The following SYNE3 variants were observed in gnomAD, a reference collection of about 807,000 sequenced individuals.
SYNE3 encodes the protein spectrin repeat containing nuclear envelope family member 3.
SYNE3 carries 100 observed loss-of-function variants against 111.2 expected under a neutral mutation model. That is an observed-to-expected ratio of 0.90 (90% confidence interval 0.77 to 1.06). The LOEUF (loss-of-function observed/expected upper bound fraction) is 1.06. Among genes scored for constraint, SYNE3 ranks in the 50% least tolerant of loss-of-function variants. The pLI is 0.00. For synonymous variants in SYNE3, 547 were observed against 533.9 expected, an observed-to-expected ratio of 1.02 and a Z score of -0.34; for missense variants, 1,160 against 1,240.3, an observed-to-expected ratio of 0.94 and a Z score of 0.97.
intron 1 of SYNE3, among the ~76,000 whole-genome samples, chr14:95,508,758 C>T (rs187786928): frequency 2.3e-4 from 35 of 152,328 alleles, no homozygotes; most frequent in Admixed American, 1.6e-3. Context: ...TGCAAGGTTC[C>T]GGGGCCAACC....
At chr14:95,465,491 T>A (rs1242762813) in intron 4 of SYNE3, among the ~76,000 whole-genome samples, 1 of 151,382 alleles carries the variant, frequency 6.6e-6, no homozygotes, top group East Asian at 1.9e-4. Context: ...AGTGAATGGG[T>A]GAGTGAGGAA....
intron 5 of SYNE3, 47 bp from the exon 6 acceptor site, chr14:95,455,771 T>C (rs1262889706): frequency 6.3e-7 from 1 of 1,579,866 alleles, no homozygotes; most frequent in Middle Eastern, 1.7e-4. Flanking sequence ...GGAAAAAGAA[T>C]ACAGTTGCTG....
Position 95,483,023 on chromosome 14 carries a change from G to A in SYNE3, c.-14-7188C>T, listed in dbSNP as rs962449707. Among the ~76,000 whole-genome samples, 5 of 152,182 alleles carry A rather than the reference G, an allele frequency of 3.3e-5. No homozygotes were observed. In the South Asian group the frequency reaches 8.3e-4, roughly 25 times the overall value. On this transcript the variant is annotated intron_variant, in intron 1 of 17. Transcript: ENST00000682763. ...CCCTCCCAGAACCCCACTGGTAACTGCCGAGTTCCAGGAAGGTAACTCCAG... is the reference window on the plus strand; with the variant it reads ...CCCTCCCAGAACCCCACTGGTAACTACCGAGTTCCAGGAAGGTAACTCCAG...
intron 1 of SYNE3, among the ~76,000 whole-genome samples, chr14:95,480,497 C>T (rs1889172804): frequency 6.6e-6 from 1 of 152,152 alleles, no homozygotes; most frequent in Non-Finnish European, 1.5e-5. Context: ...AAGCTATGGG[C>T]CTGGAAGACC....
At chr14:95,452,684 A>G (rs533445139) in intron 6 of SYNE3, among the ~76,000 whole-genome samples, 20 of 152,310 alleles carry the variant, frequency 1.3e-4, no homozygotes, top group African/African-American at 4.8e-4. Flanking sequence ...ACTAATACTC[A>G]GGGGACACCA....
At chr14:95,479,224 C>CAAAAAAAAAAAAAAAAAAAAAAAAAAA (rs71132351) in intron 1 of SYNE3, among the ~76,000 whole-genome samples, 2 of 86,330 alleles carry the variant, frequency 2.3e-5, no homozygotes, top group Admixed American at 1.7e-4. Flanking sequence ...TCGTCTCTAC[C>CAAAAAAAAAAAAAAAAAAAAAAAAAAA]AAAAAAAAAA....
At chr14:95,491,573 C>T (rs1889850506) in intron 1 of SYNE3, among the ~76,000 whole-genome samples, 1 of 151,882 alleles carries the variant, frequency 6.6e-6, no homozygotes, top group Non-Finnish European at 1.5e-5. Context: ...CTAAAATTAA[C>T]TCCAAATAGA....
At position 95,416,089 on chromosome 14, in the gene SYNE3, C is replaced by CAAATACAG. The variant is rs757994106; in HGVS notation, c.*1729_*1736dup. ...AGTCACATTCTGCTTAAAGTTGTAA[C>CAAATACAG]AAATACAGACGAGTTAAAAGAAAAA... is the stretch of plus-strand genomic sequence containing the variant. On this transcript the variant is annotated 3_prime_UTR_variant, in exon 18 of 18. Coordinates refer to ENST00000682763, the MANE Select transcript of SYNE3 (RefSeq NM_152592.6). 1 of 150,662 alleles carries CAAATACAG rather than the reference C, an allele frequency of 6.6e-6. No individual in the cohort carries two copies. Among genetic ancestry groups the CAAATACAG allele is most frequent in the Non-Finnish European group, 1.5e-5 (1 of 67,994 alleles). The allele number at this position is 150,662 out of a possible 1,614,324, so 9.3% of individuals were successfully genotyped here. A position where few individuals can be genotyped will look rare whatever the true frequency, so the allele number is the denominator to read the frequency against.
chr14:95,469,931 C>G (rs1163690154), intron 2 of SYNE3, among the ~76,000 whole-genome samples: 1 of 152,140 alleles, frequency 6.6e-6, no homozygotes, highest in Admixed American at 6.5e-5. Context: ...GACTTCCCCT[C>G]CTACCTTTGT....
At chr14:95,435,537 G>A (rs1219724027) in intron 15 of SYNE3, among the ~76,000 whole-genome samples, 3 of 151,534 alleles carry the variant, frequency 2.0e-5, no homozygotes, top group Non-Finnish European at 4.4e-5. Flanking sequence ...GAGGAGAAAG[G>A]GAACAAGGCA....
chr14:95,459,648 C>T (rs1887669095), intron 4 of SYNE3, among the ~76,000 whole-genome samples: 1 of 152,210 alleles, frequency 6.6e-6, no homozygotes, highest in Admixed American at 6.5e-5. Flanking sequence ...AGCTCTTTCA[C>T]ATATGCTTTT....
chr14:95,446,669 G>A (rs1886738393), intron 8 of SYNE3, among the ~76,000 whole-genome samples: 3 of 152,344 alleles, frequency 2.0e-5, no homozygotes, highest in African/African-American at 7.2e-5. Flanking sequence ...CCCAGAGGAG[G>A]TGATACTCAG....
At chr14:95,512,851 C>A (rs984927821) in intron 1 of SYNE3, among the ~76,000 whole-genome samples, 1 of 152,036 alleles carries the variant, frequency 6.6e-6, no homozygotes, top group African/African-American at 2.4e-5. Context: ...GAGCAAGACT[C>A]TGTCTCAAAA....
chr14:95,513,527 A>G (rs1208263571), intron 1 of SYNE3, among the ~76,000 whole-genome samples: 1 of 152,026 alleles, frequency 6.6e-6, no homozygotes, highest in Non-Finnish European at 1.5e-5. Context: ...TTATCTTCGC[A>G]GCAACCCCAA....
intron 3 of SYNE3, among the ~76,000 whole-genome samples, chr14:95,467,379 C>A (rs929106972): frequency 1.3e-5 from 2 of 152,132 alleles, no homozygotes; most frequent in Admixed American, 6.5e-5. Flanking sequence ...TAGGAAGTAA[C>A]CAGCAGGACA....
chr14:95,478,341 G>A (rs1358883862), intron 1 of SYNE3, among the ~76,000 whole-genome samples: 29 of 152,302 alleles, frequency 1.9e-4, no homozygotes, highest in Admixed American at 1.9e-3. Flanking sequence ...ACCACCTAAT[G>A]TGGTATCAGG....
At chr14:95,442,196 G>C (rs1317353820) in intron 11 of SYNE3, among the ~76,000 whole-genome samples, 3 of 152,204 alleles carry the variant, frequency 2.0e-5, no homozygotes, top group African/African-American at 7.2e-5. Context: ...CACATCACTA[G>C]AGGCCGTGAT....
intron 6 of SYNE3, among the ~76,000 whole-genome samples, chr14:95,454,520 C>T (rs1366973462): frequency 6.6e-6 from 1 of 152,226 alleles, no homozygotes; most frequent in African/African-American, 2.4e-5. Flanking sequence ...ACCTCCAAGG[C>T]GCATTGAGGC....
At position 95,432,099 on chromosome 14, in the gene SYNE3, C is replaced by T; in HGVS notation, c.2707G>A (p.Glu903Lys). Residue 903 changes from glutamate to lysine, a missense_variant, in exon 17 of 18, where the codon GAG becomes AAG. Transcript: ENST00000682763. ...GHLLTQSSPG[E>K]PTGFQKTRRW... ...TGTACCTTTTGGAATCCAGTCGGCTCCCCTGGAGAACTTTGTGTCTGTTAT... is the reference window on the plus strand; with the variant it reads ...TGTACCTTTTGGAATCCAGTCGGCTTCCCTGGAGAACTTTGTGTCTGTTAT... 6.2e-7 allele frequency: 1 copy of T among 1,612,630 alleles called. No homozygotes were observed. Among genetic ancestry groups the T allele is most frequent in the Non-Finnish European group, 8.5e-7 (1 of 1,179,414 alleles).
Sources: allele counts gnomAD v4.1 joint callset (sites outside exome capture counted in the v4.1 genomes callset), GRCh38; gene constraint gnomAD v4.1.1; transcripts MANE v1.5; gene names NCBI Gene and HGNC (gene_info 2026-07-23, HGNC 2026-07-21).